Variants in SEMA3A observed in about 807,000 individuals in gnomAD.
SEMA3A encodes the protein semaphorin 3A, also known as semaphorin-3A.
Under a neutral mutation model 97.9 loss-of-function variants are expected in SEMA3A, and 29 were observed. That is an observed-to-expected ratio of 0.30 (90% confidence interval 0.22 to 0.40). The LOEUF is 0.40. Ranked by LOEUF, SEMA3A falls within the 10% of genes least tolerant of loss-of-function variation. SEMA3A has a pLI of 1.00. For missense variants in SEMA3A, 763 were observed against 951.3 expected (o/e 0.80, Z 2.60); for synonymous variants, 321 against 323.7 (o/e 0.99, Z 0.09).
chr7:84,193,074 G>A (rs1195372047), intron 1 of SEMA3A, among the ~76,000 whole-genome samples: 3 of 151,862 alleles, frequency 2.0e-5, no homozygotes, highest in African/African-American at 7.2e-5. Context: ...ACTTACATAA[G>A]TACAATTGCA....
intron 3 of SEMA3A, among the ~76,000 whole-genome samples, chr7:84,289,663 T>C (rs1292606849): frequency 6.6e-6 from 1 of 152,132 alleles, no homozygotes; most frequent in Non-Finnish European, 1.5e-5. Context: ...CCCACGCATG[T>C]TGCTGGTGAG....
intron 1 of SEMA3A, among the ~76,000 whole-genome samples, chr7:84,472,186 G>T (rs901573068): frequency 8.5e-5 from 13 of 152,166 alleles, no homozygotes; most frequent in African/African-American, 2.9e-4. Flanking sequence ...AGAGAAAAAT[G>T]ATAATATTGT....
chr7:84,422,868 T>C (rs1034370166), intron 1 of SEMA3A, among the ~76,000 whole-genome samples: 12 of 152,036 alleles, frequency 7.9e-5, no homozygotes. Context: ...TTGTAATCCC[T>C]ATAGGGACCA....
intron 1 of SEMA3A, among the ~76,000 whole-genome samples, chr7:84,373,655 A>C (rs1803028845): frequency 6.6e-6 from 1 of 152,224 alleles, no homozygotes; most frequent in African/African-American, 2.4e-5. Flanking sequence ...TAAGAATAGA[A>C]TTGCAATAAT....
chr7:84,301,333 CAT>C (rs1183528485), intron 3 of SEMA3A, among the ~76,000 whole-genome samples: 1 of 152,058 alleles, frequency 6.6e-6, no homozygotes, highest in Non-Finnish European at 1.5e-5. Flanking sequence ...CACACACACA[CAT>C]GCATATATCA....
At chr7:84,385,092 C>T (rs1026628619) in intron 1 of SEMA3A, among the ~76,000 whole-genome samples, 1 of 147,592 alleles carries the variant, frequency 6.8e-6, no homozygotes, top group African/African-American at 2.7e-5. Flanking sequence ...CACACACACA[C>T]ACACAAACAC....
chr7:84,313,347 T>TATAC, intron 2 of SEMA3A, among the ~76,000 whole-genome samples: 2 of 19,916 alleles, frequency 1.0e-4, no homozygotes, highest in Admixed American at 4.9e-4. Context: ...TATATGTATA[T>TATAC]GTGTGTGTGT....
chr7:83,972,720 C>T (rs1788968939), intron 15 of SEMA3A, among the ~76,000 whole-genome samples: 1 of 151,988 alleles, frequency 6.6e-6, no homozygotes, highest in Non-Finnish European at 1.5e-5. Context: ...TAGTTTGTAA[C>T]AGTTAAATTG....
chr7:84,360,657 A>G (rs1016878714), intron 2 of SEMA3A, among the ~76,000 whole-genome samples: 1 of 152,142 alleles, frequency 6.6e-6, no homozygotes, highest in Non-Finnish European at 1.5e-5. Context: ...CGAGTGTAGT[A>G]TACAATCTAT....
At chr7:84,131,480 T>G (rs1795959900) in intron 2 of SEMA3A, among the ~76,000 whole-genome samples, 1 of 152,196 alleles carries the variant, frequency 6.6e-6, no homozygotes, top group East Asian at 1.9e-4. Context: ...TAATAAGCAT[T>G]TATGCTTTAA....
intron 9 of SEMA3A, among the ~76,000 whole-genome samples, chr7:84,007,759 T>G (rs746395159): frequency 6.6e-6 from 1 of 152,152 alleles, no homozygotes; most frequent in Non-Finnish European, 1.5e-5. Context: ...ATATGAAACA[T>G]AGAGTACTAA....
intron 3 of SEMA3A, among the ~76,000 whole-genome samples, chr7:84,206,939 A>G (rs1327466924): frequency 6.6e-6 from 1 of 152,108 alleles, no homozygotes; most frequent in Non-Finnish European, 1.5e-5. Flanking sequence ...CTCTACTTTG[A>G]TTACCCACCT....
chr7:84,454,241 T>C (rs1805633770), intron 1 of SEMA3A, among the ~76,000 whole-genome samples: 1 of 152,212 alleles, frequency 6.6e-6, no homozygotes, highest in Non-Finnish European at 1.5e-5. Flanking sequence ...TGTAATGGCT[T>C]TTTTTAAATT....
At chr7:84,200,970 T>C (rs189400570) in intron 3 of SEMA3A, among the ~76,000 whole-genome samples, 1 of 151,918 alleles carries the variant, frequency 6.6e-6, no homozygotes, top group South Asian at 2.1e-4. Flanking sequence ...GGCTATCGGG[T>C]GTTTCAGGAT....
At chr7:84,156,680 G>A (rs1342147425) in intron 1 of SEMA3A, among the ~76,000 whole-genome samples, 8 of 152,098 alleles carry the variant, frequency 5.3e-5, no homozygotes, top group Non-Finnish European at 1.2e-4. Context: ...AAAAAGACAT[G>A]AAATGTATGT....
At chr7:84,431,632 T>A (rs952747264) in intron 1 of SEMA3A, among the ~76,000 whole-genome samples, 5 of 151,808 alleles carry the variant, frequency 3.3e-5, no homozygotes, top group Non-Finnish European at 7.4e-5. Flanking sequence ...GTTTTTTTTT[T>A]AACAAGGCTA....
chr7:84,290,899 CATT>C (rs973899348), intron 3 of SEMA3A, among the ~76,000 whole-genome samples: 62 of 152,164 alleles, frequency 4.1e-4, no homozygotes, highest in African/African-American at 1.4e-3. Flanking sequence ...AATCTTAAAG[CATT>C]ATTTGTCTAA....
chr7:84,370,541 C>T (rs367666636), intron 2 of SEMA3A, among the ~76,000 whole-genome samples: 24 of 151,706 alleles, frequency 1.6e-4, no homozygotes, highest in African/African-American at 5.8e-4. Context: ...AGGTTAGAAA[C>T]ATCTTGGTTG....
chr7:84,255,208 T>G lies in SEMA3A; in HGVS notation c.-83+51999A>C, dbSNP rs1799692090. ...ATAGCAAACAGAAATATCAGTTAAT[T>G]TTTTATTGAGCACTGATCACAATAC... On this transcript the variant is annotated intron_variant, in intron 3 of 3. Transcript: ENST00000424555. Among the ~76,000 whole-genome samples, 3 of 152,168 alleles carry G rather than the reference T, an allele frequency of 2.0e-5. No homozygotes were observed. In the South Asian group the frequency reaches 6.2e-4, roughly 31 times the overall value.
Sources: gnomAD v4.1 joint callset for allele counts (sites outside exome capture counted in the v4.1 genomes callset) on GRCh38, gnomAD v4.1.1 for gene constraint, MANE v1.5 for transcripts, NCBI Gene and HGNC (gene_info 2026-07-23, HGNC 2026-07-21) for gene names.